Variants in ERC2 observed in about 807,000 individuals in gnomAD.
The protein encoded by ERC2 is ERC protein 2.
In ERC2, 42 loss-of-function variants were observed where a neutral mutation model predicts 114.8. That is an observed-to-expected ratio of 0.37 (90% CI 0.29 to 0.47). The LOEUF (loss-of-function observed/expected upper bound fraction) is 0.47. Ranked by LOEUF, ERC2 falls within the 20% of genes least tolerant of loss-of-function variation. ERC2 has a pLI of 0.99. For synonymous variants in ERC2, 454 were observed against 425.5 expected (o/e 1.07, Z -0.82); for missense variants, 939 against 1,150.7 (o/e 0.82, Z 2.66).
At chr3:55,941,113 T>A (rs2066756092) in intron 13 of ERC2, among the ~76,000 whole-genome samples, 2 of 152,236 alleles carry the variant, frequency 1.3e-5, no homozygotes, top group East Asian at 3.8e-4. Context: ...ATTAAACAAT[T>A]CATTGTGTGT....
At chr3:55,992,275 T>C (rs755415711) in intron 10 of ERC2, 25 bp from the exon 11 acceptor site, 56 of 1,596,246 alleles carry the variant, frequency 3.5e-5, no homozygotes, top group Non-Finnish European at 4.7e-5. Context: ...TTTTAAAGAA[T>C]GTAGTTAAGA....
At chr3:55,804,407 G>A (rs79730090) in intron 14 of ERC2, among the ~76,000 whole-genome samples, 21,094 of 152,058 alleles carry the variant, frequency 0.14, 1,682 homozygotes, top group East Asian at 0.23. Context: ...GAGATGCGTC[G>A]GTTTGCCTTA....
intron 13 of ERC2, among the ~76,000 whole-genome samples, chr3:55,942,677 G>A (rs1205375301): frequency 6.6e-6 from 1 of 152,122 alleles, no homozygotes; most frequent in Non-Finnish European, 1.5e-5. Context: ...TAAATAAGAT[G>A]TAGAGGGAAA....
At chr3:56,425,365 C>T (rs1247865013) in intron 2 of ERC2, among the ~76,000 whole-genome samples, 3 of 152,094 alleles carry the variant, frequency 2.0e-5, no homozygotes, top group Non-Finnish European at 4.4e-5. Context: ...GCAACCAAGA[C>T]CGCCCACCAC....
chr3:56,212,977 G>A (rs987364898), intron 3 of ERC2, among the ~76,000 whole-genome samples: 4 of 152,186 alleles, frequency 2.6e-5, no homozygotes, highest in Admixed American at 6.5e-5. Context: ...GAGCTAAGCT[G>A]TGAGGACACA....
chr3:55,662,487 A>G (rs1245931813), intron 17 of ERC2, among the ~76,000 whole-genome samples: 1 of 152,276 alleles, frequency 6.6e-6, no homozygotes, highest in Non-Finnish European at 1.5e-5. Flanking sequence ...GCTGAATAAT[A>G]TAATCTAATT....
intron 5 of ERC2, among the ~76,000 whole-genome samples, chr3:56,140,684 CTATCT>C (rs2080805458): frequency 6.6e-6 from 1 of 152,158 alleles, no homozygotes; most frequent in Non-Finnish European, 1.5e-5. Flanking sequence ...TCTCAAGTGT[CTATCT>C]AAGATTTAAA....
At chr3:56,200,715 C>A (rs2150094063) in intron 3 of ERC2, among the ~76,000 whole-genome samples, 1 of 152,290 alleles carries the variant, frequency 6.6e-6, no homozygotes, top group African/African-American at 2.4e-5. Flanking sequence ...TCAAGGATTA[C>A]ACAAAAGAAG....
intron 17 of ERC2, among the ~76,000 whole-genome samples, chr3:55,637,751 C>T (rs1449142129): frequency 1.3e-5 from 2 of 152,026 alleles, no homozygotes; most frequent in South Asian, 2.1e-4. Flanking sequence ...TATCGAGCAT[C>T]GTCACTGGCA....
intron 1 of ERC2, among the ~76,000 whole-genome samples, chr3:56,452,731 A>T (rs947686056): frequency 6.6e-6 from 1 of 152,206 alleles, no homozygotes; most frequent in Non-Finnish European, 1.5e-5. Flanking sequence ...TATCTGTTTA[A>T]CCTTGAGCAA....
At chr3:56,077,700 G>A (rs1175623999) in intron 7 of ERC2, among the ~76,000 whole-genome samples, 1 of 151,976 alleles carries the variant, frequency 6.6e-6, no homozygotes, top group Admixed American at 6.6e-5. Flanking sequence ...CTCACACCTG[G>A]TGTCATCATC....
Position 56,008,342 on chromosome 3 carries a change from T to C in ERC2, c.1921-1021A>G, listed in dbSNP as rs116254175. 6.5e-3 allele frequency among the ~76,000 whole-genome samples: 986 copies of C among 152,312 alleles called. 10 individuals carry two copies. Among genetic ancestry groups the C allele is most frequent in the African/African-American group, 0.023 (937 of 41,580 alleles). Reference sequence around the variant, plus strand: ...GGGAACAGGTGAGCCATTCTCATTCTTCACATCAGGAAACTGAGGCTCACA... The same window carrying C: ...GGGAACAGGTGAGCCATTCTCATTCCTCACATCAGGAAACTGAGGCTCACA... On this transcript the variant is annotated intron_variant, in intron 9 of 17. Coordinates refer to ENST00000288221, the MANE Select transcript of ERC2 (RefSeq NM_015576.3).
intron 17 of ERC2, among the ~76,000 whole-genome samples, chr3:55,595,252 A>C (rs2058075790): frequency 6.6e-6 from 1 of 152,220 alleles, no homozygotes; most frequent in Non-Finnish European, 1.5e-5. Context: ...CAACCAAAAG[A>C]TTGAGGTAAA....
intron 17 of ERC2, among the ~76,000 whole-genome samples, chr3:55,558,724 G>A (rs1243864857): frequency 6.6e-6 from 1 of 152,220 alleles, no homozygotes; most frequent in Non-Finnish European, 1.5e-5. Flanking sequence ...GCTGTTTTCT[G>A]AGAGTTTACA....
chr3:56,428,248 C>T lies in ERC2; in HGVS notation c.657+6103G>A, dbSNP rs902255927. Among the ~76,000 whole-genome samples the T allele has an allele frequency of 2.0e-5, 3 of 152,092 alleles. No individual in the cohort carries two copies. In the East Asian group the frequency reaches 5.8e-4, roughly 29 times the overall value. ...TTGAAATGGCCCTGCAGGCTGGGGG[C>T]GGTGGCTCACGCCTGTAATCCCAGG... On this transcript the variant is annotated intron_variant, in intron 2 of 17. Transcript: ENST00000288221.
chr3:56,170,569 C>T, intron 4 of ERC2, among the ~76,000 whole-genome samples: 1 of 143,242 alleles, frequency 7.0e-6, no homozygotes, highest in South Asian at 2.2e-4. Flanking sequence ...CCAATTTAGT[C>T]TAAGAAATCT....
At chr3:55,807,669 G>A (rs2059542897) in intron 14 of ERC2, among the ~76,000 whole-genome samples, 1 of 152,160 alleles carries the variant, frequency 6.6e-6, no homozygotes, top group Non-Finnish European at 1.5e-5. Flanking sequence ...CGAGATGGAG[G>A]AGCAATAAGA....
chr3:55,583,361 G>A (rs1270783351), intron 17 of ERC2, among the ~76,000 whole-genome samples: 7 of 148,458 alleles, frequency 4.7e-5, no homozygotes, highest in Non-Finnish European at 1.1e-4. Flanking sequence ...CTGCCTGCCT[G>A]CCTGCCTGCC....
At position 56,454,768 on chromosome 3, in the gene ERC2, G is replaced by A. The variant is rs906757947; in HGVS notation, c.-141+13480C>T. On this transcript the variant is annotated intron_variant, in intron 1 of 17. Transcript: ENST00000288221. Reference sequence around the variant, plus strand: ...TGGGAGGCTGAGGCACGAGGATCACGTGAACCCGGGAGGCAGAGGTTGAGA... The same window carrying A: ...TGGGAGGCTGAGGCACGAGGATCACATGAACCCGGGAGGCAGAGGTTGAGA... Among the ~76,000 whole-genome samples, 4 of 150,124 alleles carry A rather than the reference G, an allele frequency of 2.7e-5. 1 individual carries two copies. In the South Asian group the frequency reaches 8.4e-4, roughly 31 times the overall value.
Sources: gnomAD v4.1 joint callset for allele counts (sites outside exome capture counted in the v4.1 genomes callset) on GRCh38, gnomAD v4.1.1 for gene constraint, MANE v1.5 for transcripts, NCBI Gene and HGNC (gene_info 2026-07-23, HGNC 2026-07-21) for gene names.